EIF2AK1: variants seen among roughly 807,000 people sequenced by gnomAD.
The protein encoded by EIF2AK1 is eukaryotic translation initiation factor 2 alpha kinase 1.
A neutral mutation model predicts 77.9 loss-of-function variants in EIF2AK1; 54 were observed. The observed-to-expected ratio is 0.69, with a 90% confidence interval of 0.56 to 0.87. EIF2AK1 has a LOEUF of 0.87. Among genes scored for constraint, EIF2AK1 ranks in the 40% least tolerant of loss-of-function variants. The pLI, the probability that EIF2AK1 is intolerant of heterozygous loss-of-function variation, is 0.00. For synonymous variants in EIF2AK1, 314 were observed against 290.5 expected, an observed-to-expected ratio of 1.08 and a Z score of -0.82; for missense variants, 810 against 768.6, an observed-to-expected ratio of 1.05 and a Z score of -0.64.
intron 13 of EIF2AK1, 23 bp downstream of exon 13, chr7:6,028,592 G>T: frequency 6.2e-7 from 1 of 1,610,708 alleles, no homozygotes; most frequent in Non-Finnish European, 8.5e-7. Flanking sequence ...TTGAATGAAA[G>T]GGCAGAAAGC....
intron 1 of EIF2AK1, chr7:6,057,638 G>C (rs140606423): frequency 6.6e-6 from 1 of 151,188 alleles, no homozygotes; most frequent in Non-Finnish European, 1.5e-5. Flanking sequence ...AATCAATGTT[G>C]TTGTTGTTGT....
At chr7:6,028,426 A>G (rs919725564) in intron 13 of EIF2AK1, among the ~76,000 whole-genome samples, 189 bp downstream of exon 13, 1 of 152,086 alleles carries the variant, frequency 6.6e-6, no homozygotes, top group African/African-American at 2.4e-5. Flanking sequence ...TAATTTTTGT[A>G]TTTTTAGTAG....
At chr7:6,044,516 A>G (rs1035334182) in intron 7 of EIF2AK1, 46 bp downstream of exon 7, 3 of 1,532,838 alleles carry the variant, frequency 2.0e-6, no homozygotes, top group Non-Finnish European at 2.7e-6. Context: ...TGCACGGGCT[A>G]AAGTTTGCCA....
rs1414879841 is a variant in EIF2AK1 at position 6,056,607 on chromosome 7, A to AT, written c.119-1904_119-1903insA. ...AGACTCCATCTCAAGGGAAAAAAAAAAAAAAAATATATATATATATATATA... is the reference window on the plus strand; with the variant it reads ...AGACTCCATCTCAAGGGAAAAAAAAATAAAAAAATATATATATATATATATA... On this transcript the variant is annotated intron_variant, in intron 1 of 14. Coordinates refer to ENST00000199389, the MANE Select transcript of EIF2AK1 (RefSeq NM_014413.4). Among the ~76,000 whole-genome samples the AT allele has an allele frequency of 2.2e-4, 6 of 27,300 alleles. No homozygotes were observed. In the South Asian group the frequency reaches 2.8e-3, roughly 13 times the overall value. 17.9% of individuals were successfully genotyped at this position (27,300 alleles called of 152,430 possible).
chr7:6,048,217 T>C (rs971237715), intron 4 of EIF2AK1, among the ~76,000 whole-genome samples: 2 of 152,116 alleles, frequency 1.3e-5, no homozygotes, highest in Non-Finnish European at 2.9e-5. Context: ...AAATAAACCC[T>C]ATATCCATTA....
In EIF2AK1 at chr7:6,022,816, A is replaced by G. The variant is rs1312762074; in HGVS notation, c.*1857T>C. 1 of 155,244 alleles carries G rather than the reference A, an allele frequency of 6.4e-6. No homozygotes were observed. The highest frequency in any genetic ancestry group is 1.4e-5 in the Non-Finnish European group (1 of 70,054). The allele number at this position is 155,244 out of a possible 1,614,324, so 9.6% of individuals were successfully genotyped here. ...ATAGGGACACTGAAGTTATCTTCTC[A>G]TATGGCCATATAAAGATAGGATGTT... is the stretch of plus-strand genomic sequence containing the variant. On this transcript the variant is annotated 3_prime_UTR_variant, in exon 15 of 15. Transcript: ENST00000199389.
At chr7:6,056,616 ATAT>A in intron 1 of EIF2AK1, among the ~76,000 whole-genome samples, 1 of 96,000 alleles carries the variant, frequency 1.0e-5, no homozygotes. Context: ...AAAAAAAAAT[ATAT>A]ATATATATAT....
chr7:6,042,914 A>T lies in EIF2AK1; in HGVS notation c.791+19T>A. 6.2e-7 allele frequency: 1 copy of T among 1,604,460 alleles called. No individual in the cohort carries two copies. Among genetic ancestry groups the T allele is most frequent in the Non-Finnish European group, 8.5e-7 (1 of 1,172,176 alleles). On this transcript the variant is annotated intron_variant, in intron 8 of 14. Transcript: ENST00000199389. ...TGCAGGTGACAAGAGGTAATGTCCTAATATGTAAAAGGACATACCTGTCCT... is the reference window on the plus strand; with the variant it reads ...TGCAGGTGACAAGAGGTAATGTCCTTATATGTAAAAGGACATACCTGTCCT...
chr7:6,051,481 G>A (rs1788606835), intron 2 of EIF2AK1, among the ~76,000 whole-genome samples: 1 of 151,830 alleles, frequency 6.6e-6, no homozygotes, highest in Non-Finnish European at 1.5e-5. Flanking sequence ...CCAAATTGGA[G>A]GGCAGTGGAG....
intron 1 of EIF2AK1, among the ~76,000 whole-genome samples, chr7:6,058,765 C>CG (rs1449951231): frequency 9.2e-5 from 14 of 152,340 alleles, no homozygotes; most frequent in Non-Finnish European, 1.9e-4. Flanking sequence ...GAGAGGCAGA[C>CG]GTTCTTTTCA....
In EIF2AK1 at chr7:6,024,378, C is replaced by T; in HGVS notation, c.*295G>A. The T allele has an allele frequency of 4.0e-6, 4 of 998,596 alleles. No homozygotes were observed. The highest frequency in any genetic ancestry group is 2.4e-5 in the South Asian group (1 of 42,460). 61.9% of individuals were successfully genotyped at this position (998,596 alleles called of 1,614,324 possible). A position where few individuals can be genotyped will look rare whatever the true frequency, so the allele number is the denominator to read the frequency against. On this transcript the variant is annotated 3_prime_UTR_variant, in exon 15 of 15. Transcript: ENST00000199389. ...GGAGCACACATCAATTTCTGCGGTACCTTCTAGAGGAAGACCAGACAGAGG... is the reference window on the plus strand; with the variant it reads ...GGAGCACACATCAATTTCTGCGGTATCTTCTAGAGGAAGACCAGACAGAGG...
At position 6,026,778 on chromosome 7, in the gene EIF2AK1, G is replaced by A; in HGVS notation, c.1714C>T (p.Pro572Ser). The stretch of plus-strand genomic sequence containing the variant: ...CTCTGCAGCAGCTGAATGGCAGATG[G>A]TCTCTGCGATGAGTTCCTTCTCGTT... The part of the protein sequence containing the change: ...HLTRRNSSQR[P>S]SAIQLLQSEL... Residue 572 changes from proline (P) to serine (S), a missense_variant, in exon 14 of 15, where the codon CCA becomes TCA. Transcript: ENST00000199389. The A allele has an allele frequency of 6.2e-7, 1 of 1,614,194 alleles. No individual in the cohort carries two copies. The highest frequency in any genetic ancestry group is 1.3e-5 in the African/African-American group (1 of 75,054).
intron 11 of EIF2AK1, among the ~76,000 whole-genome samples, 194 bp downstream of exon 11, chr7:6,037,230 C>CA (rs201542858): frequency 2.1e-3 from 271 of 127,806 alleles, no homozygotes; most frequent in Non-Finnish European, 2.8e-3. Flanking sequence ...AATGCTGTCT[C>CA]AAAAAAAAAA....
At chr7:6,026,458 C>G in intron 14 of EIF2AK1, 1 of 618,610 alleles carries the variant, frequency 1.6e-6, no homozygotes, top group South Asian at 1.5e-5. Flanking sequence ...GGGGTTGGCC[C>G]CCAGCCCTCC....
Position 6,031,518 on chromosome 7 carries a change from T to C in EIF2AK1, c.1333-2486A>G, listed in dbSNP as rs1170391160. The C allele has an allele frequency of 1.9e-6, 3 of 1,550,514 alleles. No individual in the cohort carries two copies. The Admixed American group carries it at 5.9e-5, about 30-fold the overall frequency. Reference sequence around the variant, plus strand: ...GACTGCACTACGATCGAGGTACTCCTGAGAAATCACCCTGTCAACCAGCCC... The same window carrying C: ...GACTGCACTACGATCGAGGTACTCCCGAGAAATCACCCTGTCAACCAGCCC... On this transcript the variant is annotated intron_variant, in intron 11 of 14. Coordinates refer to ENST00000199389, the MANE Select transcript of EIF2AK1 (RefSeq NM_014413.4).
Position 6,037,412 on chromosome 7 carries a change from G to GC in EIF2AK1, c.1332+11dup, listed in dbSNP as rs1562747943. On this transcript the variant is annotated intron_variant, in intron 11 of 14. Coordinates refer to ENST00000199389, the MANE Select transcript of EIF2AK1 (RefSeq NM_014413.4). ...TCCCACTGCTTTCAATGATTTCATC[G>GC]CCCCCACTTACCTTCAGATCTCGGT... The GC allele has an allele frequency of 1.9e-6, 3 of 1,558,156 alleles. No homozygotes were observed. Among genetic ancestry groups the GC allele is most frequent in the Non-Finnish European group, 2.6e-6 (3 of 1,134,184 alleles).
intron 9 of EIF2AK1, among the ~76,000 whole-genome samples, chr7:6,039,499 G>A (rs1302932823): frequency 6.6e-6 from 1 of 151,698 alleles, no homozygotes; most frequent in African/African-American, 2.4e-5. Context: ...GCGCGTGCCT[G>A]TAATCCCACT....
At chr7:6,045,929 G>A (rs993113710) in intron 6 of EIF2AK1, 142 bp downstream of exon 6, 90 of 468,778 alleles carry the variant, frequency 1.9e-4, no homozygotes, top group Non-Finnish European at 3.1e-4. Flanking sequence ...TTTAATTTTG[G>A]TACTTTACTA....
At position 6,024,199 on chromosome 7, in the gene EIF2AK1, A is replaced by G. The variant is rs1200410220; in HGVS notation, c.*474T>C. 1 of 1,248,538 alleles carries G rather than the reference A, an allele frequency of 8.0e-7. No individual in the cohort carries two copies. Among genetic ancestry groups the G allele is most frequent in the Non-Finnish European group, 1.0e-6 (1 of 968,466 alleles). The allele number at this position is 1,248,538 out of a possible 1,614,324, so 77.3% of individuals were successfully genotyped here. A position where few individuals can be genotyped will look rare whatever the true frequency, so the allele number is the denominator to read the frequency against. ...GTTGAGCTTTTATCTTAGAGGCAGC[A>G]GAAGGTTTGGAGCCAAGGAATGAAA... is the stretch of plus-strand genomic sequence containing the variant. On this transcript the variant is annotated 3_prime_UTR_variant, in exon 15 of 15. Transcript: ENST00000199389.
Sources: allele counts gnomAD v4.1 joint callset (sites outside exome capture counted in the v4.1 genomes callset), GRCh38; gene constraint gnomAD v4.1.1; transcripts MANE v1.5; gene names NCBI Gene and HGNC (gene_info 2026-07-23, HGNC 2026-07-21).